The following RAET1G variants were observed in gnomAD, a reference collection of about 807,000 sequenced individuals.
RAET1G encodes UL-16 binding protein 5.
RAET1G carries 25 observed loss-of-function variants against 29.5 expected under a neutral mutation model. That is an observed-to-expected ratio of 0.85 (90% CI 0.62 to 1.18). The LOEUF (loss-of-function observed/expected upper bound fraction) is 1.18. RAET1G is among the 50% of genes most tolerant of loss of function. The probability of loss-of-function intolerance (pLI) is 0.00; values close to 1 mark genes in which losing one functional copy is unlikely to be tolerated. For synonymous variants in RAET1G, 167 were observed against 159.5 expected, an observed-to-expected ratio of 1.05 and a Z score of -0.36; for missense variants, 434 against 423.6, an observed-to-expected ratio of 1.02 and a Z score of -0.22.
At chr6:149,918,764 G>A (rs1158399597) in intron 3 of RAET1G, 2 of 604,962 alleles carry the variant, frequency 3.3e-6, no homozygotes, top group Admixed American at 5.9e-5. Flanking sequence ...AAGGAGAAAG[G>A]CCTGAAAATA....
chr6:149,921,724 G>T (rs902528210), intron 1 of RAET1G, among the ~76,000 whole-genome samples: 18 of 152,070 alleles, frequency 1.2e-4, no homozygotes, highest in African/African-American at 4.1e-4. Context: ...TGAACCATGG[G>T]ACCCCCACTC....
rs564200137 is a variant in RAET1G at position 149,919,211 on chromosome 6, T to A, written c.463A>T (p.Asn155Tyr). Residue 155 changes from asparagine (N) to tyrosine (Y), a missense_variant, in exon 3 of 5, where the codon AAC (asparagine) becomes TAC (tyrosine). Transcript: ENST00000367360. Reference protein sequence around the residue: ...GQIFLLFDSENRMWTTVHPGA... With the variant: ...GQIFLLFDSEYRMWTTVHPGA... Reference sequence around the variant, plus strand: ...GGATGAACCGTTGTCCACATTCTGTTTTCTGAGTCAAAGAGGAGGAAGATC... The same window carrying A: ...GGATGAACCGTTGTCCACATTCTGTATTCTGAGTCAAAGAGGAGGAAGATC... 9 of 1,614,196 alleles carry A rather than the reference T, an allele frequency of 5.6e-6. No homozygotes were observed. The African/African-American group carries it at 9.3e-5, about 17-fold the overall frequency.
Position 149,916,997 on chromosome 6 carries a change from T to C in RAET1G, c.920A>G (p.His307Arg). ...CAAGGCAAGAGGGCAGGGTAAGGAG[T>C]GTGAGTCGTCTCCAATGATAGGTAA... ...VTLPIIGDDS[H>R]SLPCPLALYT... Residue 307 changes from histidine to arginine, a missense_variant, in exon 5 of 5, where the codon CAC (histidine) becomes CGC (arginine). Transcript: ENST00000367360. 1 of 1,550,296 alleles carries C rather than the reference T, an allele frequency of 6.5e-7. No individual in the cohort carries two copies. The highest frequency in any genetic ancestry group is 1.4e-5 in the African/African-American group (1 of 73,052).
intron 1 of RAET1G, among the ~76,000 whole-genome samples, chr6:149,921,273 C>A (rs1778594382): frequency 6.6e-6 from 1 of 152,194 alleles, no homozygotes; most frequent in African/African-American, 2.4e-5. Context: ...GCATGTGGTT[C>A]CAATGTCTAA....
At chr6:149,918,423 C>A in intron 3 of RAET1G, 39 bp from the exon 4 acceptor site, 1 of 1,600,188 alleles carries the variant, frequency 6.2e-7, no homozygotes, top group Non-Finnish European at 8.6e-7. Context: ...CTTGTCCAGG[C>A]CCCAAATCTG....
chr6:149,917,718 G>T (rs1317561747), intron 4 of RAET1G, among the ~76,000 whole-genome samples: 1 of 152,090 alleles, frequency 6.6e-6, no homozygotes, highest in African/African-American at 2.4e-5. Flanking sequence ...CACCTGGGTG[G>T]CTTGCCGCCC....
Position 149,919,698 on chromosome 6 carries a change from G to T in RAET1G, c.204C>A (p.Ser68Arg). 6.2e-7 allele frequency: 1 copy of T among 1,613,938 alleles called. No homozygotes were observed. The highest frequency in any genetic ancestry group is 8.5e-7 in the Non-Finnish European group (1 of 1,179,836). The change falls in exon 2 of 5, where the codon AGC becomes AGA. Residue 68 changes from serine to arginine, a missense_variant. Coordinates refer to ENST00000367360, the MANE Select transcript of RAET1G (RefSeq NM_001001788.4). ...GGGGACTGACGGGTGTGACTGTCTT[G>T]CTGCCACAGTCATAGTGAAGAAAAG... ...EKTFLHYDCGSKTVTPVSPLG... is the reference protein window; with the variant it reads ...EKTFLHYDCGRKTVTPVSPLG...
At chr6:149,918,892 C>T (rs372428121) in intron 3 of RAET1G, 151 bp downstream of exon 3, 219 of 1,265,168 alleles carry the variant, frequency 1.7e-4, no homozygotes, top group Middle Eastern at 6.1e-4. Flanking sequence ...AGCACAGGCA[C>T]GCCAGCACCC....
At chr6:149,918,724 A>G in intron 3 of RAET1G, 1 of 593,066 alleles carries the variant, frequency 1.7e-6, no homozygotes. Flanking sequence ...CAGAGGAGGA[A>G]AGGAAAAGTG....
intron 2 of RAET1G, 72 bp from the exon 3 acceptor site, chr6:149,919,396 T>A: frequency 6.3e-7 from 1 of 1,595,996 alleles, no homozygotes; most frequent in Non-Finnish European, 8.5e-7. Context: ...CACTTGCAAT[T>A]TCCTGGTCTT....
At chr6:149,918,433 G>C (rs369848563) in intron 3 of RAET1G, 49 bp from the exon 4 acceptor site, 2 of 1,583,582 alleles carry the variant, frequency 1.3e-6, no homozygotes, top group Non-Finnish European at 1.7e-6. Context: ...CCCCAAATCT[G>C]AGGAGATGCC....
chr6:149,918,419 C>G (rs1778504554), intron 3 of RAET1G, 35 bp from the exon 4 acceptor site: 6 of 1,603,980 alleles, frequency 3.7e-6, no homozygotes, highest in Admixed American at 3.3e-5. Context: ...AACCCTTGTC[C>G]AGGCCCCAAA....
rs1359842303 is a variant in RAET1G, at chr6:149,917,021, A to G, written c.896T>C (p.Leu299Ser). 3.2e-6 allele frequency: 5 copies of G among 1,550,570 alleles called. No individual in the cohort carries two copies. The African/African-American group carries it at 6.8e-5, about 21-fold the overall frequency. ...LSGGHVTRVT[L>S]PIIGDDSHSL... ...GTGTGAGTCGTCTCCAATGATAGGT[A>G]AAGTCACGCGAGTCACGTGTCCACC... Residue 299 changes from leucine to serine, a missense_variant, in exon 5 of 5, where the codon TTA becomes TCA. By Grantham distance (145) the Leu-to-Ser change is moderately radical. Coordinates refer to ENST00000367360, the MANE Select transcript of RAET1G (RefSeq NM_001001788.4).
At position 149,922,919 on chromosome 6, in the gene RAET1G, A is replaced by G; in HGVS notation, c.85+7T>C. On this transcript the variant is annotated splice_region_variant and intron_variant, in intron 1 of 4. Coordinates refer to ENST00000367360, the MANE Select transcript of RAET1G (RefSeq NM_001001788.4). The stretch of plus-strand genomic sequence containing the variant: ...CCGCCCCGCTTAGGCTCCATCCCCG[A>G]ACTCACCGGCCAGCCCGGTCCTGCA... The G allele has an allele frequency of 6.3e-7, 1 of 1,584,002 alleles. No individual in the cohort carries two copies.
At position 149,917,028 on chromosome 6, in the gene RAET1G, C is replaced by T. The variant is rs150542719; in HGVS notation, c.889G>A (p.Val297Met). ...RPLSGGHVTRVTLPIIGDDSH... is the reference protein window; with the variant it reads ...RPLSGGHVTRMTLPIIGDDSH... ...TCGTCTCCAATGATAGGTAAAGTCA[C>T]GCGAGTCACGTGTCCACCAGACAAG... The change falls in exon 5 of 5, where the codon GTG (valine) becomes ATG (methionine). Residue 297 changes from valine to methionine, a missense_variant. By Grantham distance (21) the Val-to-Met change is conservative. Transcript: ENST00000367360. 5.9e-4 allele frequency: 917 copies of T among 1,550,302 alleles called. 6 individuals are homozygous for T. The African/African-American group carries it at 8.4e-3, about 14-fold the overall frequency.
chr6:149,919,454 G>C, intron 2 of RAET1G, 99 bp downstream of exon 2: 1 of 1,611,338 alleles, frequency 6.2e-7, no homozygotes, highest in East Asian at 2.2e-5. Context: ...CTTGCGGGGT[G>C]AGATGACCTT....
Position 149,918,308 on chromosome 6 carries a change from G to C in RAET1G, c.708C>G (p.Ile236Met), listed in dbSNP as rs759125356. ...ATTLILCCLL[I>M]MCLLICSRHS... is the part of the protein sequence containing the mutation. Reference sequence around the variant, plus strand: ...GCCTGGAGCATATGAGGAGACACATGATGAGGAGGCAGCAAAGGATGAGGG... The same window carrying C: ...GCCTGGAGCATATGAGGAGACACATCATGAGGAGGCAGCAAAGGATGAGGG... The change falls in exon 4 of 5, where the codon ATC becomes ATG. Residue 236 changes from isoleucine to methionine, a missense_variant. Transcript: ENST00000367360. 4 of 1,614,034 alleles carry C rather than the reference G, an allele frequency of 2.5e-6. No homozygotes were observed. The highest frequency in any genetic ancestry group is 1.3e-5 in the African/African-American group (1 of 74,916).
At chr6:149,918,518 G>C (rs2114646899) in intron 3 of RAET1G, 134 bp from the exon 4 acceptor site, 1 of 1,048,762 alleles carries the variant, frequency 9.5e-7, no homozygotes, top group East Asian at 2.6e-5. Context: ...CAGCCCCTGG[G>C]AGAGTTCCTG....
At chr6:149,922,013 T>C (rs946502323) in intron 1 of RAET1G, among the ~76,000 whole-genome samples, 1 of 152,154 alleles carries the variant, frequency 6.6e-6, no homozygotes, top group Non-Finnish European at 1.5e-5. Flanking sequence ...CAGGGCATCC[T>C]TCCTCCCTTT....
Sources: allele counts gnomAD v4.1 joint callset (sites outside exome capture counted in the v4.1 genomes callset), GRCh38; gene constraint gnomAD v4.1.1; transcripts MANE v1.5; gene names NCBI Gene and HGNC (gene_info 2026-07-23, HGNC 2026-07-21).